PRKG2: variants seen among roughly 807,000 people sequenced by gnomAD.
PRKG2 encodes the protein protein kinase cGMP-dependent 2.
Under a neutral mutation model 97.2 loss-of-function variants are expected in PRKG2, and 33 were observed. The ratio of observed to expected loss-of-function variants is 0.34; its 90% CI spans 0.26 to 0.45. PRKG2 has a LOEUF of 0.45. PRKG2 is among the 20% of genes least tolerant of loss of function. The pLI, the probability that PRKG2 is intolerant of heterozygous loss-of-function variation, is 1.00. For missense variants in PRKG2, 638 were observed against 900.0 expected (o/e 0.71, Z 3.73); for synonymous variants, 330 against 321.8 (o/e 1.03, Z -0.27).
chr4:81,160,713 GATCTATCCTCATGAA>G (rs1369449652), intron 6 of PRKG2, among the ~76,000 whole-genome samples: 1 of 151,954 alleles, frequency 6.6e-6, no homozygotes, highest in Non-Finnish European at 1.5e-5. Flanking sequence ...ATTTAATTTA[GATCTATCCTCATGAA>G]ATCTTAAATT....
At chr4:81,177,760 G>C (rs1163285277) in intron 2 of PRKG2, among the ~76,000 whole-genome samples, 1 of 152,002 alleles carries the variant, frequency 6.6e-6, no homozygotes, top group Non-Finnish European at 1.5e-5. Context: ...GCTATTACCA[G>C]CATAACTCTT....
chr4:81,113,392 C>G (rs2109987026), intron 14 of PRKG2, among the ~76,000 whole-genome samples: 1 of 151,548 alleles, frequency 6.6e-6, no homozygotes, highest in Non-Finnish European at 1.5e-5. Context: ...ATTCTACTAG[C>G]AAAACTGAGG....
At chr4:81,189,050 AG>A (rs1337983266) in intron 2 of PRKG2, among the ~76,000 whole-genome samples, 2 of 57,570 alleles carry the variant, frequency 3.5e-5, no homozygotes, top group Non-Finnish European at 5.5e-5. Context: ...GAAAAAAAAA[AG>A]ATTAAAAAAA....
At chr4:81,112,783 C>T (rs1306906233) in intron 14 of PRKG2, among the ~76,000 whole-genome samples, 1 of 152,210 alleles carries the variant, frequency 6.6e-6, no homozygotes, top group Non-Finnish European at 1.5e-5. Flanking sequence ...GGCCCCAAAT[C>T]TTCTACATCA....
In PRKG2 at chr4:81,091,263, C is replaced by T. The variant is rs370599141; in HGVS notation, c.2193+1123G>A. On this transcript the variant is annotated intron_variant, in intron 18 of 18. Transcript: ENST00000264399. ...AGACATGTTTAAAGGAATGAAGTAACAGTAGTGTTTTTATTATTATTATTA... is the reference window on the plus strand; with the variant it reads ...AGACATGTTTAAAGGAATGAAGTAATAGTAGTGTTTTTATTATTATTATTA... 1.6e-4 allele frequency among the ~76,000 whole-genome samples: 25 copies of T among 151,584 alleles called. No individual in the cohort carries two copies. The East Asian group carries it at 1.9e-3, about 12-fold the overall frequency.
At chr4:81,111,304 C>G (rs1488331328) in intron 14 of PRKG2, among the ~76,000 whole-genome samples, 2 of 152,122 alleles carry the variant, frequency 1.3e-5, no homozygotes, top group Non-Finnish European at 1.5e-5. Flanking sequence ...AACATACATT[C>G]AGCACCCAGT....
chr4:81,202,373 G>A (rs1213204341), intron 2 of PRKG2, among the ~76,000 whole-genome samples: 1 of 152,106 alleles, frequency 6.6e-6, no homozygotes, highest in African/African-American at 2.4e-5. Context: ...ACTTAAGGAG[G>A]TATCTGTACT....
chr4:81,118,028 C>G (rs1744723715), intron 14 of PRKG2, among the ~76,000 whole-genome samples: 1 of 152,212 alleles, frequency 6.6e-6, no homozygotes, highest in African/African-American at 2.4e-5. Flanking sequence ...CCACCAACCA[C>G]TAATCTTTTT....
intron 16 of PRKG2, 87 bp from the exon 17 acceptor site, chr4:81,104,519 T>A: frequency 3.3e-6 from 2 of 606,772 alleles, no homozygotes; most frequent in Non-Finnish European, 4.7e-6. Flanking sequence ...AAACTTAACA[T>A]CTATTTGTTA....
At chr4:81,200,920 A>G (rs771660041) in intron 2 of PRKG2, among the ~76,000 whole-genome samples, 1 of 152,214 alleles carries the variant, frequency 6.6e-6, no homozygotes, top group Non-Finnish European at 1.5e-5. Flanking sequence ...TAAAATGGTC[A>G]GTAGGCACAA....
rs926030994 is a variant in PRKG2 at position 81,089,575 on chromosome 4, T to C, written c.*133A>G. 1.3e-5 allele frequency: 8 copies of C among 630,992 alleles called. No individual in the cohort carries two copies. The highest frequency in any genetic ancestry group is 1.9e-5 in the Non-Finnish European group (7 of 369,730). The allele number at this position is 630,992 out of a possible 1,614,324, so 39.1% of individuals were successfully genotyped here. On this transcript the variant is annotated 3_prime_UTR_variant, in exon 19 of 19. Coordinates refer to ENST00000264399, the MANE Select transcript of PRKG2 (RefSeq NM_006259.3). The stretch of plus-strand genomic sequence containing the variant: ...TATCCACACCATTCTCCTCTTCCCA[T>C]TGTGCAGGAATTTCTTTTCCCTAAT...
At chr4:81,105,101 G>A (rs1743197820) in intron 16 of PRKG2, among the ~76,000 whole-genome samples, 2 of 152,026 alleles carry the variant, frequency 1.3e-5, no homozygotes, top group South Asian at 4.1e-4. Flanking sequence ...ATTTTATATT[G>A]TGAAAATTTA....
chr4:81,090,074 T>C (rs1258883929), intron 18 of PRKG2, among the ~76,000 whole-genome samples: 2 of 152,154 alleles, frequency 1.3e-5, no homozygotes. Flanking sequence ...AGTTCAGAAA[T>C]AGGCCAGGCG....
intron 14 of PRKG2, among the ~76,000 whole-genome samples, chr4:81,111,341 T>A (rs925874462): frequency 1.3e-5 from 2 of 151,788 alleles, no homozygotes; most frequent in African/African-American, 4.9e-5. Flanking sequence ...GCTAGGCCTA[T>A]AGATACAAAG....
At chr4:81,092,586 G>T in intron 17 of PRKG2, 134 bp from the exon 18 acceptor site, 1 of 650,664 alleles carries the variant, frequency 1.5e-6, no homozygotes, top group East Asian at 2.7e-5. Flanking sequence ...TATCTGTCAT[G>T]GCTTTAAATA....
chr4:81,197,297 C>G (rs1381293098), intron 2 of PRKG2, among the ~76,000 whole-genome samples: 1 of 152,112 alleles, frequency 6.6e-6, no homozygotes, highest in Non-Finnish European at 1.5e-5. Flanking sequence ...AAGGAGCCAC[C>G]CATTTCAGAG....
chr4:81,210,943 C>A (rs993885481), intron 1 of PRKG2, among the ~76,000 whole-genome samples: 2 of 152,066 alleles, frequency 1.3e-5, no homozygotes, highest in Non-Finnish European at 2.9e-5. Flanking sequence ...AGAAGCCAAT[C>A]TGAAAAGCCT....
At chr4:81,194,326 C>A (rs1224171861) in intron 2 of PRKG2, among the ~76,000 whole-genome samples, 1 of 151,650 alleles carries the variant, frequency 6.6e-6, no homozygotes, top group Non-Finnish European at 1.5e-5. Flanking sequence ...CCCTAATAAA[C>A]AAGGCACATT....
At chr4:81,127,192 T>A (rs1399837096) in intron 14 of PRKG2, among the ~76,000 whole-genome samples, 1 of 152,190 alleles carries the variant, frequency 6.6e-6, no homozygotes, top group Non-Finnish European at 1.5e-5. Context: ...TGTGGCATTA[T>A]TTCTGAGGCC....
Sources: allele counts gnomAD v4.1 joint callset (sites outside exome capture counted in the v4.1 genomes callset), GRCh38; gene constraint gnomAD v4.1.1; transcripts MANE v1.5; gene names NCBI Gene and HGNC (gene_info 2026-07-23, HGNC 2026-07-21).